OR5M1: variants seen among roughly 807,000 people sequenced by gnomAD.
OR5M1 encodes olfactory receptor family 5 subfamily M member 1.
For synonymous variants in OR5M1, 165 were observed against 144.2 expected (o/e 1.14, Z -1.04); for missense variants, 367 against 379.5 (o/e 0.97, Z 0.27).
rs1188035719 is a variant in OR5M1, at chr11:56,611,398, G to T, written c.*1157C>A. The T allele has an allele frequency of 6.6e-6, 1 of 152,012 alleles. No homozygotes were observed. Among genetic ancestry groups the T allele is most frequent in the African/African-American group, 2.4e-5 (1 of 41,398 alleles). The allele number at this position is 152,012 out of a possible 1,614,324, so 9.4% of individuals were successfully genotyped here. A position where few individuals can be genotyped will look rare whatever the true frequency, so the allele number is the denominator to read the frequency against. ...CTGCAAGTCATCTGCTTAATATTCT[G>T]GAAAACCATTTGAACACTTTATAGT... is the stretch of plus-strand genomic sequence containing the variant. On this transcript the variant is annotated 3_prime_UTR_variant, in exon 2 of 2. Transcript: ENST00000641076.
rs1375390464 is a variant in OR5M1, at chr11:56,612,506, G to T, written c.*49C>A. The T allele has an allele frequency of 7.1e-7, 1 of 1,411,306 alleles. No homozygotes were observed. The highest frequency in any genetic ancestry group is 9.7e-7 in the Non-Finnish European group (1 of 1,035,814). The allele number at this position is 1,411,306 out of a possible 1,614,324, so 87.4% of individuals were successfully genotyped here. A position where few individuals can be genotyped will look rare whatever the true frequency, so the allele number is the denominator to read the frequency against. On this transcript the variant is annotated 3_prime_UTR_variant, in exon 2 of 2. Coordinates refer to ENST00000641076, the MANE Select transcript of OR5M1 (RefSeq NM_001004740.2). Reference sequence around the variant, plus strand: ...TACACTAGGTTTTTCCATTTCAAAAGCCAGTTTGTTACTCCACAAGCAATT... The same window carrying T: ...TACACTAGGTTTTTCCATTTCAAAATCCAGTTTGTTACTCCACAAGCAATT...
chr11:56,614,033 G>T (rs965816371), intron 1 of OR5M1, among the ~76,000 whole-genome samples: 1 of 152,170 alleles, frequency 6.6e-6, no homozygotes, highest in Admixed American at 6.5e-5. Flanking sequence ...ACCCATAGCT[G>T]TGTGCCTTAC....
chr11:56,613,337 G>T lies in OR5M1; in HGVS notation c.166C>A (p.Gln56Lys), dbSNP rs1853706267. The change falls in exon 2 of 2, where the codon CAA (glutamine) becomes AAA (lysine). Residue 56 changes from glutamine to lysine, a missense_variant. Gln to Lys is a moderately conservative substitution (Grantham distance 53). Transcript: ENST00000641076. ...CCAAGGAAGAAATACATGGGTGTTT[G>T]CAGGTGGGAATTGGTCCTGATCAGC... Reference protein sequence around the residue: ...ILLIRTNSHLQTPMYFFLGHL... With the variant: ...ILLIRTNSHLKTPMYFFLGHL... 6.2e-7 allele frequency: 1 copy of T among 1,613,710 alleles called. No homozygotes were observed. The highest frequency in any genetic ancestry group is 1.3e-5 in the African/African-American group (1 of 75,036).
intron 1 of OR5M1, 147 bp downstream of exon 1, chr11:56,614,710 T>C (rs541809374): frequency 2.0e-4 from 31 of 151,916 alleles, no homozygotes; most frequent in Non-Finnish European, 2.1e-4. Flanking sequence ...TACTAACATA[T>C]GGATAGAAAA....
rs2134957102 is a variant in OR5M1, at chr11:56,610,809, A to T, written c.*1746T>A. The T allele has an allele frequency of 6.6e-6, 1 of 152,290 alleles. No homozygotes were observed. Among genetic ancestry groups the T allele is most frequent in the African/African-American group, 2.4e-5 (1 of 41,570 alleles). 9.4% of individuals were successfully genotyped at this position (152,290 alleles called of 1,614,324 possible). A position where few individuals can be genotyped will look rare whatever the true frequency, so the allele number is the denominator to read the frequency against. On this transcript the variant is annotated 3_prime_UTR_variant, in exon 2 of 2. Coordinates refer to ENST00000641076, the MANE Select transcript of OR5M1 (RefSeq NM_001004740.2). Reference sequence around the variant, plus strand: ...CAAATAGAAATAAATAAAATATTTTATTAAAAATCAATTAGAAACAGGTCA... The same window carrying T: ...CAAATAGAAATAAATAAAATATTTTTTTAAAAATCAATTAGAAACAGGTCA...
rs1368808264 is a variant in OR5M1, at chr11:56,611,702, A to G, written c.*853T>C. 1 of 152,142 alleles carries G rather than the reference A, an allele frequency of 6.6e-6. No individual in the cohort carries two copies. Among genetic ancestry groups the G allele is most frequent in the East Asian group, 1.9e-4 (1 of 5,194 alleles). The allele number at this position is 152,142 out of a possible 1,614,324, so 9.4% of individuals were successfully genotyped here. On this transcript the variant is annotated 3_prime_UTR_variant, in exon 2 of 2. Coordinates refer to ENST00000641076, the MANE Select transcript of OR5M1 (RefSeq NM_001004740.2). ...TAATGGGCCACAGAAAGCTTCATGA[A>G]GCAAAATAAACACTGAGTATTTCCT...
At position 56,612,453 on chromosome 11, in the gene OR5M1, C is replaced by G. The variant is rs980564739; in HGVS notation, c.*102G>C. On this transcript the variant is annotated 3_prime_UTR_variant, in exon 2 of 2. Transcript: ENST00000641076. ...GATAAGAAAGTAAAGTGGTTACTGA[C>G]AGTCCATGATGTTAAATAAATCACG... 3.6e-5 allele frequency: 27 copies of G among 754,964 alleles called. No individual in the cohort carries two copies. The highest frequency in any genetic ancestry group is 5.3e-5 in the Non-Finnish European group (25 of 469,394). 46.8% of individuals were successfully genotyped at this position (754,964 alleles called of 1,614,324 possible). A position where few individuals can be genotyped will look rare whatever the true frequency, so the allele number is the denominator to read the frequency against.
chr11:56,612,096 C>G lies in OR5M1; in HGVS notation c.*459G>C, dbSNP rs532881864. On this transcript the variant is annotated 3_prime_UTR_variant, in exon 2 of 2. Transcript: ENST00000641076. ...TTTTTTGCACATTGATTACAATAAGCACAAAGGTAGCTGAGCTATTGTTCA... is the reference window on the plus strand; with the variant it reads ...TTTTTTGCACATTGATTACAATAAGGACAAAGGTAGCTGAGCTATTGTTCA... The G allele has an allele frequency of 6.6e-6, 1 of 152,482 alleles. No individual in the cohort carries two copies. The highest frequency in any genetic ancestry group is 2.4e-5 in the African/African-American group (1 of 41,416). The allele number at this position is 152,482 out of a possible 1,614,324, so 9.4% of individuals were successfully genotyped here.
At position 56,613,514 on chromosome 11, in the gene OR5M1, T is replaced by G; in HGVS notation, c.-12A>C. The G allele has an allele frequency of 6.2e-7, 1 of 1,601,456 alleles. No homozygotes were observed. The highest frequency in any genetic ancestry group is 8.5e-7 in the Non-Finnish European group (1 of 1,169,876). On this transcript the variant is annotated 5_prime_UTR_variant, in exon 2 of 2. Coordinates refer to ENST00000641076, the MANE Select transcript of OR5M1 (RefSeq NM_001004740.2). ...TTTGGGGAGAACATCTTCTTATCTC[T>G]TGAAACTGAAAGTGACAAAGAATGT...
chr11:56,612,904 A>T lies in OR5M1; in HGVS notation c.599T>A (p.Phe200Tyr). Residue 200 changes from phenylalanine (F) to tyrosine (Y), a missense_variant, in exon 2 of 2, where the codon TTT becomes TAT. By Grantham distance (22) the Phe-to-Tyr change is conservative. Coordinates refer to ENST00000641076, the MANE Select transcript of OR5M1 (RefSeq NM_001004740.2). Reference protein sequence around the residue: ...SDTRVKKMAMFVVAGFNLSSS... With the variant: ...SDTRVKKMAMYVVAGFNLSSS... ...TGAGAGATTAAAGCCTGCAACTACA[A>T]ACATTGCCATCTTTTTGACACGGGT... 1.2e-6 allele frequency: 2 copies of T among 1,613,778 alleles called. No individual in the cohort carries two copies. The highest frequency in any genetic ancestry group is 1.7e-6 in the Non-Finnish European group (2 of 1,179,752).
rs764810487 is a variant in OR5M1, at chr11:56,613,415, C to T, written c.88G>A (p.Val30Ile). 5.6e-5 allele frequency: 90 copies of T among 1,613,500 alleles called. No homozygotes were observed. Among genetic ancestry groups the T allele is most frequent in the Non-Finnish European group, 7.5e-5 (88 of 1,179,652 alleles). ...GTGATTAGGTAGATCGCAAGGAATA[C>T]CCCAAACAGGATCTTCTCTAGCACT... ...DPVLEKILFGVFLAIYLITLA... is the reference protein window; with the variant it reads ...DPVLEKILFGIFLAIYLITLA... Residue 30 changes from valine to isoleucine, a missense_variant, in exon 2 of 2, where the codon GTA becomes ATA. Val to Ile is a conservative substitution (Grantham distance 29, BLOSUM62 3). Transcript: ENST00000641076.
At chr11:56,614,398 G>A (rs570826783) in intron 1 of OR5M1, among the ~76,000 whole-genome samples, 2 of 152,260 alleles carry the variant, frequency 1.3e-5, no homozygotes, top group East Asian at 3.9e-4. Context: ...GATCTTTCTA[G>A]GAATGCAGCA....
chr11:56,614,136 GT>G (rs1249983206), intron 1 of OR5M1, among the ~76,000 whole-genome samples: 1 of 152,052 alleles, frequency 6.6e-6, no homozygotes, highest in Non-Finnish European at 1.5e-5. Flanking sequence ...TTTCCACTTT[GT>G]AATGTCACTG....
At position 56,611,991 on chromosome 11, in the gene OR5M1, A is replaced by G. The variant is rs1424895235; in HGVS notation, c.*564T>C. 1 of 152,190 alleles carries G rather than the reference A, an allele frequency of 6.6e-6. No individual in the cohort carries two copies. Among genetic ancestry groups the G allele is most frequent in the Non-Finnish European group, 1.5e-5 (1 of 68,044 alleles). The allele number at this position is 152,190 out of a possible 1,614,324, so 9.4% of individuals were successfully genotyped here. On this transcript the variant is annotated 3_prime_UTR_variant, in exon 2 of 2. Transcript: ENST00000641076. ...CAGTATTATCATATGAACAAAAAAG[A>G]AGCTTCTCAAGATATTTACAAGATG...
At chr11:56,614,232 AG>A (rs1033721970) in intron 1 of OR5M1, among the ~76,000 whole-genome samples, 6 of 152,188 alleles carry the variant, frequency 3.9e-5, no homozygotes, top group African/African-American at 1.4e-4. Context: ...CTCCCAGCTC[AG>A]GGAGCACACA....
rs747296168 is a variant in OR5M1, at chr11:56,613,446, G to T, written c.57C>A (p.Asp19Glu). 6.2e-7 allele frequency: 1 copy of T among 1,613,632 alleles called. No individual in the cohort carries two copies. The highest frequency in any genetic ancestry group is 8.5e-7 in the Non-Finnish European group (1 of 1,179,636). Reference protein sequence around the residue: ...VTEFILLGLTDDPVLEKILFG... With the variant: ...VTEFILLGLTEDPVLEKILFG... ...ACAGGATCTTCTCTAGCACTGGGTC[G>T]TCTGTCAGTCCCAAGAGAATGAATT... Residue 19 changes from aspartate to glutamate, a missense_variant, in exon 2 of 2, where the codon GAC becomes GAA. Coordinates refer to ENST00000641076, the MANE Select transcript of OR5M1 (RefSeq NM_001004740.2).
rs550621606 is a variant in OR5M1, at chr11:56,611,716, T to G, written c.*839A>C. The G allele has an allele frequency of 5.4e-4, 82 of 152,196 alleles. No individual in the cohort carries two copies. Among genetic ancestry groups the G allele is most frequent in the African/African-American group, 1.9e-3 (80 of 41,528 alleles). 9.4% of individuals were successfully genotyped at this position (152,196 alleles called of 1,614,324 possible). A position where few individuals can be genotyped will look rare whatever the true frequency, so the allele number is the denominator to read the frequency against. On this transcript the variant is annotated 3_prime_UTR_variant, in exon 2 of 2. Transcript: ENST00000641076. ...AAGCTTCATGAAGCAAAATAAACAC[T>G]GAGTATTTCCTCCAGAAACATATAT...
rs754450225 is a variant in OR5M1 at position 56,610,083 on chromosome 11, T to C, written c.*2472A>G. 1 of 152,042 alleles carries C rather than the reference T, an allele frequency of 6.6e-6. No individual in the cohort carries two copies. The highest frequency in any genetic ancestry group is 1.5e-5 in the Non-Finnish European group (1 of 67,902). 9.4% of individuals were successfully genotyped at this position (152,042 alleles called of 1,614,324 possible). A position where few individuals can be genotyped will look rare whatever the true frequency, so the allele number is the denominator to read the frequency against. On this transcript the variant is annotated 3_prime_UTR_variant, in exon 2 of 2. Coordinates refer to ENST00000641076, the MANE Select transcript of OR5M1 (RefSeq NM_001004740.2). Reference sequence around the variant, plus strand: ...TATTGAGAAGAAATGTAACAAAATATAAAGAAAATGTATCCTTTGTCACAG... The same window carrying C: ...TATTGAGAAGAAATGTAACAAAATACAAAGAAAATGTATCCTTTGTCACAG...
rs1350001647 is a variant in OR5M1 at position 56,613,629 on chromosome 11, CTT to C, written c.-17-112_-17-111del. On this transcript the variant is annotated intron_variant, in intron 1 of 1. Coordinates refer to ENST00000641076, the MANE Select transcript of OR5M1 (RefSeq NM_001004740.2). ...ATTTATCTAGGTGACAATTACTTCT[CTT>C]GTTTCAATAATCACATCGGAAATTT... is the stretch of plus-strand genomic sequence containing the variant. The C allele has an allele frequency of 2.1e-5, 18 of 853,302 alleles. No homozygotes were observed. In the Admixed American group the frequency reaches 2.5e-4, roughly 12 times the overall value. The allele number at this position is 853,302 out of a possible 1,614,324, so 52.9% of individuals were successfully genotyped here.
Sources: allele counts gnomAD v4.1 joint callset (sites outside exome capture counted in the v4.1 genomes callset), GRCh38; gene constraint gnomAD v4.1.1; transcripts MANE v1.5; gene names NCBI Gene and HGNC (gene_info 2026-07-23, HGNC 2026-07-21).